The following SCEL variants were observed in gnomAD, a reference collection of about 807,000 sequenced individuals.
SCEL encodes the protein sciellin.
In SCEL, 113 loss-of-function variants were observed where a neutral mutation model predicts 117.6. The ratio of observed to expected loss-of-function variants is 0.96; its 90% CI spans 0.83 to 1.12. The LOEUF (loss-of-function observed/expected upper bound fraction) is 1.12, where lower values mean the gene tolerates loss of function less well. SCEL is among the 50% of genes most tolerant of loss of function. The pLI is 0.00. For missense variants in SCEL, 785 were observed against 810.8 expected, an observed-to-expected ratio of 0.97 and a Z score of 0.39; for synonymous variants, 270 against 256.2, an observed-to-expected ratio of 1.05 and a Z score of -0.51.
intron 27 of SCEL, among the ~76,000 whole-genome samples, chr13:77,624,340 G>A (rs140891848): frequency 8.3e-4 from 126 of 151,938 alleles, no homozygotes; most frequent in African/African-American, 2.9e-3. Flanking sequence ...TCCTGGCCTC[G>A]TGATCCACCC....
intron 3 of SCEL, among the ~76,000 whole-genome samples, chr13:77,559,510 A>AAACACAACACAACAC (rs5804911): frequency 5.6e-4 from 84 of 151,290 alleles, no homozygotes; most frequent in African/African-American, 1.5e-3. Context: ...CAGTCTGATA[A>AAACACAACACAACAC]AACACAACAC....
At chr13:77,539,992 T>C (rs2083614624) in intron 1 of SCEL, among the ~76,000 whole-genome samples, 1 of 152,176 alleles carries the variant, frequency 6.6e-6, no homozygotes, top group African/African-American at 2.4e-5. Context: ...CTTGTTTTTA[T>C]TGTAAGAAAC....
chr13:77,591,030 G>T (rs2154400113), intron 10 of SCEL, among the ~76,000 whole-genome samples: 1 of 151,890 alleles, frequency 6.6e-6, no homozygotes, highest in Non-Finnish European at 1.5e-5. Context: ...AATTCTTTAA[G>T]AAAAAAATCC....
At chr13:77,539,735 A>C (rs624116) in intron 1 of SCEL, among the ~76,000 whole-genome samples, 150,945 of 152,184 alleles carry the variant, frequency 0.99, 74,862 homozygotes, top group South Asian at 1. Flanking sequence ...GAGGTTTCAC[A>C]GTGTTAGCCA....
rs1266537149 is a variant in SCEL, at chr13:77,644,535, T to C, written c.*261T>C. 2.5e-6 allele frequency: 1 copy of C among 406,746 alleles called. No homozygotes were observed. Among genetic ancestry groups the C allele is most frequent in the Admixed American group, 3.7e-5 (1 of 26,788 alleles). 25.2% of individuals were successfully genotyped at this position (406,746 alleles called of 1,614,324 possible). ...TTCCAGTGTCAAAGGAGTGATGCAT[T>C]ACACTCCAGCCAGGTCCATCCCTGC... On this transcript the variant is annotated 3_prime_UTR_variant, in exon 33 of 33. Coordinates refer to ENST00000349847, the MANE Select transcript of SCEL (RefSeq NM_144777.3).
At chr13:77,626,705 T>G (rs943545867) in intron 27 of SCEL, among the ~76,000 whole-genome samples, 1 of 152,182 alleles carries the variant, frequency 6.6e-6, no homozygotes, top group Non-Finnish European at 1.5e-5. Flanking sequence ...CTGCCATGAT[T>G]GTAAGTTTCC....
At chr13:77,594,707 T>C (rs1409031588) in intron 12 of SCEL, among the ~76,000 whole-genome samples, 1 of 152,254 alleles carries the variant, frequency 6.6e-6, no homozygotes, top group Non-Finnish European at 1.5e-5. Context: ...GACATGATGC[T>C]TTGTACACAG....
intron 28 of SCEL, among the ~76,000 whole-genome samples, chr13:77,628,474 T>A (rs2089873670): frequency 6.6e-6 from 1 of 152,054 alleles, no homozygotes; most frequent in African/African-American, 2.4e-5. Context: ...AGGACCTAAT[T>A]TTGAAATTTC....
At chr13:77,583,271 C>G (rs1237650449) in intron 9 of SCEL, among the ~76,000 whole-genome samples, 1 of 152,096 alleles carries the variant, frequency 6.6e-6, no homozygotes, top group East Asian at 1.9e-4. Context: ...GAGCTTTTTC[C>G]AGAGTCAAAG....
chr13:77,609,696 G>A (rs566504070), intron 21 of SCEL, among the ~76,000 whole-genome samples: 10 of 152,154 alleles, frequency 6.6e-5, no homozygotes, highest in Admixed American at 3.3e-4. Context: ...ATTACTTAAG[G>A]TTTCTGTGTC....
chr13:77,613,495 G>A (rs1407320408), intron 23 of SCEL, among the ~76,000 whole-genome samples: 4 of 152,258 alleles, frequency 2.6e-5, no homozygotes, highest in African/African-American at 7.2e-5. Context: ...TGAAGATAAT[G>A]TTGGTGAAAA....
intron 21 of SCEL, 67 bp from the exon 22 acceptor site, chr13:77,609,978 CTG>C: frequency 1.1e-6 from 1 of 881,616 alleles, no homozygotes; most frequent in East Asian, 2.9e-5. Flanking sequence ...AAGTATTTCT[CTG>C]TTTTAACAAA....
intron 29 of SCEL, among the ~76,000 whole-genome samples, chr13:77,636,063 G>C (rs141058479): frequency 6.6e-6 from 1 of 152,164 alleles, no homozygotes; most frequent in African/African-American, 2.4e-5. Flanking sequence ...GAAAGGATTC[G>C]TTGCCTCCTG....
intron 28 of SCEL, among the ~76,000 whole-genome samples, chr13:77,631,014 G>A (rs1166110852): frequency 2.6e-5 from 4 of 152,172 alleles, no homozygotes; most frequent in African/African-American, 9.6e-5. Context: ...GCTATTCTAG[G>A]GACTATACTT....
chr13:77,581,842 G>C (rs1469982060), intron 9 of SCEL, among the ~76,000 whole-genome samples: 1 of 152,154 alleles, frequency 6.6e-6, no homozygotes, highest in Admixed American at 6.5e-5. Context: ...ATATAAACCA[G>C]GTTTCTTTCC....
chr13:77,582,823 T>C (rs1475092225), intron 9 of SCEL, among the ~76,000 whole-genome samples: 1 of 145,072 alleles, frequency 6.9e-6, no homozygotes, highest in Non-Finnish European at 1.5e-5. Flanking sequence ...AAATTTCTTC[T>C]GTTTTCTTCT....
Position 77,612,931 on chromosome 13 carries a change from G to A in SCEL, c.1378G>A (p.Ala460Thr). 1.3e-6 allele frequency: 2 copies of A among 1,560,644 alleles called. No individual in the cohort carries two copies. The highest frequency in any genetic ancestry group is 1.2e-5 in the South Asian group (1 of 81,768). Residue 460 changes from alanine (A) to threonine (T), a missense_variant, in exon 23 of 33, where the codon GCA becomes ACA. Transcript: ENST00000349847. ...AAATCTTATCAAAGTGATCCCTTCAGCAAACAAAAGGTAAACTTATTAAGA... is the reference window on the plus strand; with the variant it reads ...AAATCTTATCAAAGTGATCCCTTCAACAAACAAAAGGTAAACTTATTAAGA... ...LENLIKVIPS[A>T]NKSSEQGLDE...
intron 28 of SCEL, among the ~76,000 whole-genome samples, chr13:77,628,434 G>T (rs1485015629): frequency 2.6e-5 from 4 of 152,088 alleles, no homozygotes; most frequent in African/African-American, 9.6e-5. Context: ...AGTGCTAAAA[G>T]AATGCATGAA....
chr13:77,576,442 C>T (rs2085946996), intron 9 of SCEL, among the ~76,000 whole-genome samples: 1 of 149,254 alleles, frequency 6.7e-6, no homozygotes. Context: ...CTCCAAGTCC[C>T]TCTTCTCTTC....
Sources: gnomAD v4.1 joint callset for allele counts (sites outside exome capture counted in the v4.1 genomes callset) on GRCh38, gnomAD v4.1.1 for gene constraint, MANE v1.5 for transcripts, NCBI Gene and HGNC (gene_info 2026-07-23, HGNC 2026-07-21) for gene names.